Variants in ZNF681 observed in about 807,000 individuals in gnomAD.
ZNF681 encodes zinc finger protein 681, also known as hypothetical protein FLJ31526.
Under a neutral mutation model 56.0 loss-of-function variants are expected in ZNF681, and 37 were observed. The ratio of observed to expected loss-of-function variants is 0.66; its 90% CI spans 0.51 to 0.87. The LOEUF is 0.87. Among genes scored for constraint, ZNF681 ranks in the 40% least tolerant of loss-of-function variants. The pLI is 0.00. For synonymous variants in ZNF681, 225 were observed against 248.6 expected, an observed-to-expected ratio of 0.91 and a Z score of 0.89; for missense variants, 741 against 744.9, an observed-to-expected ratio of 0.99 and a Z score of 0.06.
chr19:23,744,752 C>T lies in ZNF681; in HGVS notation c.798G>A (p.Ser266=), dbSNP rs188470301. Residue 266 remains serine (S), a synonymous_variant, in exon 4 of 4, where the codon TCG becomes TCA. Coordinates refer to ENST00000402377, the MANE Select transcript of ZNF681 (RefSeq NM_138286.3). ...TTATTGTATGTGTTGTAATGTGTGACGACAGGTTAAAGGCTTTGCTACATT... is the reference window on the plus strand; with the variant it reads ...TTATTGTATGTGTTGTAATGTGTGATGACAGGTTAAAGGCTTTGCTACATT... ...REECSKAFNL[S]SHITTHTIIH... 1.0e-4 allele frequency: 162 copies of T among 1,612,870 alleles called. No individual in the cohort carries two copies. Among genetic ancestry groups the T allele is most frequent in the Non-Finnish European group, 1.2e-4 (141 of 1,179,466 alleles).
At chr19:23,746,381 A>T (rs1968945193) in intron 3 of ZNF681, among the ~76,000 whole-genome samples, 1 of 152,140 alleles carries the variant, frequency 6.6e-6, no homozygotes, top group South Asian at 2.1e-4. Context: ...ACTGTACAAG[A>T]AGTGCATGCC....
chr19:23,756,158 T>C (rs77518307), intron 1 of ZNF681, among the ~76,000 whole-genome samples: 14,305 of 151,938 alleles, frequency 0.094, 740 homozygotes, highest in East Asian at 0.22. Flanking sequence ...ACCCCGTCTC[T>C]ACTAAAAATA....
At chr19:23,752,516 T>C (rs1599458356) in intron 3 of ZNF681, among the ~76,000 whole-genome samples, 1 of 6,420 alleles carries the variant, frequency 1.6e-4, no homozygotes. Flanking sequence ...GACTCAACCA[T>C]ATACACAGAC....
Position 23,743,465 on chromosome 19 carries a change from C to CA in ZNF681, c.*146dup, listed in dbSNP as rs1442893519. 3.0e-6 allele frequency: 2 copies of CA among 677,392 alleles called. No homozygotes were observed. The highest frequency in any genetic ancestry group is 4.4e-6 in the Non-Finnish European group (2 of 450,922). 42.0% of individuals were successfully genotyped at this position (677,392 alleles called of 1,614,324 possible). A position where few individuals can be genotyped will look rare whatever the true frequency, so the allele number is the denominator to read the frequency against. ...GTATATTTGAAATTTTTTTCTAGTA[C>CA]AAATGCTTTCCTGTGCAATAAGGTG... On this transcript the variant is annotated 3_prime_UTR_variant, in exon 4 of 4. Coordinates refer to ENST00000402377, the MANE Select transcript of ZNF681 (RefSeq NM_138286.3).
chr19:23,757,788 T>C (rs897714874), intron 1 of ZNF681, among the ~76,000 whole-genome samples: 1 of 152,094 alleles, frequency 6.6e-6, no homozygotes, highest in African/African-American at 2.4e-5. Context: ...GAGTGGACTC[T>C]ATATAGAATT....
rs983812366 is a variant in ZNF681, at chr19:23,740,902, G to T, written c.*2710C>A. 5.9e-5 allele frequency: 9 copies of T among 151,744 alleles called. No individual in the cohort carries two copies. Among genetic ancestry groups the T allele is most frequent in the South Asian group, 2.1e-4 (1 of 4,818 alleles). The allele number at this position is 151,744 out of a possible 1,614,324, so 9.4% of individuals were successfully genotyped here. Reference sequence around the variant, plus strand: ...ACATAGCATCTTATATAAAATAAGAGAAAAAAATGTAAGACACAAGAAAAT... The same window carrying T: ...ACATAGCATCTTATATAAAATAAGATAAAAAAATGTAAGACACAAGAAAAT... On this transcript the variant is annotated 3_prime_UTR_variant, in exon 4 of 4. Transcript: ENST00000402377.
In ZNF681 at chr19:23,744,720, G is replaced by A. The variant is rs138088158; in HGVS notation, c.830C>T (p.Thr277Ile). 1,619 of 1,613,962 alleles carry A rather than the reference G, an allele frequency of 1.0e-3. 5 individuals carry two copies. The highest frequency in any genetic ancestry group is 9.6e-4 in the Non-Finnish European group (1,129 of 1,179,922). ...TTCACGTTTGTAGGGATTCTCTCCA[G>A]TATGAATTATTGTATGTGTTGTAAT... is the stretch of plus-strand genomic sequence containing the variant. Reference protein sequence around the residue: ...SHITTHTIIHTGENPYKREEC... With the variant: ...SHITTHTIIHIGENPYKREEC... The change falls in exon 4 of 4, where the codon ACT (threonine) becomes ATT (isoleucine). Residue 277 changes from threonine (T) to isoleucine (I), a missense_variant. Thr to Ile is a moderately conservative substitution (Grantham distance 89). Transcript: ENST00000402377.
Position 23,744,030 on chromosome 19 carries a change from T to C in ZNF681, c.1520A>G (p.Lys507Arg), listed in dbSNP as rs1164802827. 1.9e-6 allele frequency: 3 copies of C among 1,613,132 alleles called. No homozygotes were observed. The highest frequency in any genetic ancestry group is 2.5e-6 in the Non-Finnish European group (3 of 1,179,858). Residue 507 changes from lysine to arginine, a missense_variant, in exon 4 of 4, where the codon AAA (lysine) becomes AGA (arginine). Physicochemically the swap from Lys to Arg is conservative, Grantham distance 26. Transcript: ENST00000402377. Reference protein sequence around the residue: ...KRIHTGEKSYKCEECGKAFYR... With the variant: ...KRIHTGEKSYRCEECGKAFYR... Reference sequence around the variant, plus strand: ...GAAAGCTTTGCCACATTCTTCACATTTGTAGGATTTCTCTCCAGTATGAAT... The same window carrying C: ...GAAAGCTTTGCCACATTCTTCACATCTGTAGGATTTCTCTCCAGTATGAAT...
intron 3 of ZNF681, among the ~76,000 whole-genome samples, chr19:23,752,765 A>G (rs1969051896): frequency 6.6e-6 from 1 of 152,064 alleles, no homozygotes; most frequent in Non-Finnish European, 1.5e-5. Flanking sequence ...TTACCTTCTG[A>G]AAACAGGTTA....
intron 3 of ZNF681, among the ~76,000 whole-genome samples, chr19:23,753,434 A>AT (rs1276257583): frequency 9.2e-5 from 14 of 152,304 alleles, no homozygotes; most frequent in Admixed American, 6.5e-4. Flanking sequence ...ATTAAAATAA[A>AT]TTTCTGAGAA....
chr19:23,745,389 A>G (rs1352142293), intron 3 of ZNF681, 66 bp from the exon 4 acceptor site: 2 of 1,277,100 alleles, frequency 1.6e-6, no homozygotes, highest in East Asian at 5.3e-5. Context: ...TACAAATCCA[A>G]CCTATACAAT....
chr19:23,750,270 T>C (rs1248949962), intron 3 of ZNF681, among the ~76,000 whole-genome samples: 27 of 119,960 alleles, frequency 2.3e-4, no homozygotes, highest in Non-Finnish European at 3.5e-4. Context: ...GGCGACAGAG[T>C]GAGACTCCAA....
In ZNF681 at chr19:23,739,479, G is replaced by A. The variant is rs976304431; in HGVS notation, c.*4133C>T. The A allele has an allele frequency of 1.3e-5, 2 of 152,142 alleles. No homozygotes were observed. Among genetic ancestry groups the A allele is most frequent in the Non-Finnish European group, 2.9e-5 (2 of 68,040 alleles). 9.4% of individuals were successfully genotyped at this position (152,142 alleles called of 1,614,324 possible). Reference sequence around the variant, plus strand: ...CTGAAAAATGCTAAAACATTGTCATGTGCTCTTACCACAAAAATGTTAACT... The same window carrying A: ...CTGAAAAATGCTAAAACATTGTCATATGCTCTTACCACAAAAATGTTAACT... On this transcript the variant is annotated 3_prime_UTR_variant, in exon 4 of 4. Coordinates refer to ENST00000402377, the MANE Select transcript of ZNF681 (RefSeq NM_138286.3).
Position 23,758,828 on chromosome 19 carries a change from C to T in ZNF681, c.-79G>A. On this transcript the variant is annotated 5_prime_UTR_variant, in exon 1 of 4. Coordinates refer to ENST00000402377, the MANE Select transcript of ZNF681 (RefSeq NM_138286.3). ...GGTCAGAGGGCCATAGAGGCTGGGC[C>T]TCTAGAAGAAGAGGACACAGAGCAG... 6.2e-7 allele frequency: 1 copy of T among 1,600,560 alleles called. No individual in the cohort carries two copies. The highest frequency in any genetic ancestry group is 8.5e-7 in the Non-Finnish European group (1 of 1,169,900).
In ZNF681 at chr19:23,744,686, G is replaced by T; in HGVS notation, c.864C>A (p.Asp288Glu). Residue 288 changes from aspartate to glutamate, a missense_variant, in exon 4 of 4, where the codon GAC (aspartate) becomes GAA (glutamate). Asp to Glu is a conservative substitution (Grantham distance 45). Transcript: ENST00000402377. ...GENPYKREECDKAFNQSLTLT... is the reference protein window; with the variant it reads ...GENPYKREECEKAFNQSLTLT... The stretch of plus-strand genomic sequence containing the variant: ...GGGTTAAGGACTGATTAAAGGCTTT[G>T]TCACATTCTTCACGTTTGTAGGGAT... The T allele has an allele frequency of 1.3e-6, 2 of 1,596,166 alleles. No homozygotes were observed. Among genetic ancestry groups the T allele is most frequent in the Non-Finnish European group, 1.7e-6 (2 of 1,167,476 alleles).
At chr19:23,751,781 G>T (rs897250194) in intron 3 of ZNF681, among the ~76,000 whole-genome samples, 5 of 152,132 alleles carry the variant, frequency 3.3e-5, no homozygotes, top group African/African-American at 1.2e-4. Flanking sequence ...TGCCTCCCGG[G>T]TTTATACCAT....
rs1968856108 is a variant in ZNF681, at chr19:23,739,792, T to C, written c.*3820A>G. ...AGTTGGCTAGAGTTAGGTGACTAAA[T>C]GTAAAAACTGTAGACTGAACTTCAC... On this transcript the variant is annotated 3_prime_UTR_variant, in exon 4 of 4. Transcript: ENST00000402377. The C allele has an allele frequency of 6.6e-6, 1 of 152,094 alleles. No individual in the cohort carries two copies. The highest frequency in any genetic ancestry group is 6.6e-5 in the Admixed American group (1 of 15,256). 9.4% of individuals were successfully genotyped at this position (152,094 alleles called of 1,614,324 possible). A position where few individuals can be genotyped will look rare whatever the true frequency, so the allele number is the denominator to read the frequency against.
At chr19:23,751,697 T>C (rs958892282) in intron 3 of ZNF681, among the ~76,000 whole-genome samples, 6 of 151,370 alleles carry the variant, frequency 4.0e-5, no homozygotes, top group African/African-American at 9.7e-5. Flanking sequence ...TATTTATTTA[T>C]TTTTTTGAGA....
rs765757326 is a variant in ZNF681, at chr19:23,744,603, C to T, written c.947G>A (p.Gly316Asp). 1.2e-6 allele frequency: 2 copies of T among 1,613,858 alleles called. No homozygotes were observed. The highest frequency in any genetic ancestry group is 1.7e-5 in the Admixed American group (1 of 59,986). Residue 316 changes from glycine to aspartate, a missense_variant, in exon 4 of 4, where the codon GGC (glycine) becomes GAC (aspartate). Coordinates refer to ENST00000402377, the MANE Select transcript of ZNF681 (RefSeq NM_138286.3). Reference protein sequence around the residue: ...REKLNEYKECGKAFNQSSHLT... With the variant: ...REKLNEYKECDKAFNQSSHLT... ...GTGTGAGGACTGGTTGAAAGCTTTGCCACATTCCTTATATTCATTGAGTTT... is the reference window on the plus strand; with the variant it reads ...GTGTGAGGACTGGTTGAAAGCTTTGTCACATTCCTTATATTCATTGAGTTT...
Sources: allele counts gnomAD v4.1 joint callset (sites outside exome capture counted in the v4.1 genomes callset), GRCh38; gene constraint gnomAD v4.1.1; transcripts MANE v1.5; gene names NCBI Gene and HGNC (gene_info 2026-07-23, HGNC 2026-07-21).